CDH13: variants seen among roughly 807,000 people sequenced by gnomAD.
CDH13 encodes the protein cadherin 13.
CDH13 carries 24 observed loss-of-function variants against 63.8 expected under a neutral mutation model. The observed-to-expected ratio is 0.38, with a 90% confidence interval of 0.27 to 0.53. The LOEUF (loss-of-function observed/expected upper bound fraction) is 0.53. Among genes scored for constraint, CDH13 ranks in the 20% least tolerant of loss-of-function variants. CDH13 has a pLI of 0.85. For synonymous variants in CDH13, 503 were observed against 355.3 expected (o/e 1.42, Z -4.67); for missense variants, 1,049 against 903.1 (o/e 1.16, Z -2.07).
chr16:82,655,055 C>A (rs1265870426), intron 1 of CDH13, among the ~76,000 whole-genome samples: 1 of 152,156 alleles, frequency 6.6e-6, no homozygotes, highest in Non-Finnish European at 1.5e-5. Flanking sequence ...GGATGGAGTC[C>A]AAAAGAAACT....
chr16:83,143,045 C>G (rs7203441), intron 4 of CDH13, among the ~76,000 whole-genome samples: 55,036 of 151,800 alleles, frequency 0.36, 12,767 homozygotes, highest in African/African-American at 0.67. Context: ...CGGAGGTTGC[C>G]ATAAGCCAAG....
intron 5 of CDH13, among the ~76,000 whole-genome samples, chr16:83,277,558 T>C (rs951779997): frequency 3.3e-5 from 5 of 152,128 alleles, no homozygotes; most frequent in Non-Finnish European, 2.9e-5. Flanking sequence ...GTCAAGACTA[T>C]TTTCATAAAA....
chr16:83,268,373 A>C (rs201265655), intron 5 of CDH13, among the ~76,000 whole-genome samples: 1 of 152,316 alleles, frequency 6.6e-6, no homozygotes, highest in East Asian at 1.9e-4. Context: ...CTTTTCGCAC[A>C]AATGCTGCTG....
At chr16:83,298,604 C>T (rs911396440) in intron 5 of CDH13, among the ~76,000 whole-genome samples, 4 of 152,172 alleles carry the variant, frequency 2.6e-5, no homozygotes, top group African/African-American at 9.7e-5. Context: ...GAAGTAAGGA[C>T]CTGTTATTAG....
intron 6 of CDH13, among the ~76,000 whole-genome samples, chr16:83,349,132 A>C (rs2090899639): frequency 6.6e-6 from 1 of 152,224 alleles, no homozygotes; most frequent in African/African-American, 2.4e-5. Context: ...TGGATGAAGG[A>C]AGATCAGCAG....
At chr16:83,695,016 G>A (rs910489778) in intron 10 of CDH13, among the ~76,000 whole-genome samples, 13 of 152,080 alleles carry the variant, frequency 8.5e-5, no homozygotes, top group Admixed American at 4.6e-4. Context: ...AGACCAGCCC[G>A]GCCAACATGA....
intron 1 of CDH13, among the ~76,000 whole-genome samples, chr16:82,768,331 C>A (rs990560307): frequency 6.6e-6 from 1 of 152,108 alleles, no homozygotes; most frequent in Non-Finnish European, 1.5e-5. Context: ...GTCATTTTAG[C>A]AATTAGTTTC....
chr16:83,427,293 G>A (rs1043735480), intron 6 of CDH13, among the ~76,000 whole-genome samples: 4 of 151,356 alleles, frequency 2.6e-5, no homozygotes, highest in Non-Finnish European at 5.9e-5. Flanking sequence ...CAGTGTTATT[G>A]ACTATCTGGA....
chr16:82,706,452 G>A (rs141646366), intron 1 of CDH13, among the ~76,000 whole-genome samples: 86 of 152,248 alleles, frequency 5.6e-4, no homozygotes, highest in African/African-American at 1.9e-3. Context: ...GTAGAAGGCC[G>A]TGGAGCTGCT....
intron 7 of CDH13, among the ~76,000 whole-genome samples, chr16:83,574,839 A>T (rs760995744): frequency 6.6e-6 from 1 of 152,170 alleles, no homozygotes; most frequent in Non-Finnish European, 1.5e-5. Context: ...AATATCCATG[A>T]ACTCCAGTTT....
At chr16:82,804,035 C>G (rs535210632) in intron 1 of CDH13, among the ~76,000 whole-genome samples, 1 of 152,272 alleles carries the variant, frequency 6.6e-6, no homozygotes, top group African/African-American at 2.4e-5. Flanking sequence ...CGAGACCAGC[C>G]TGACCAACAT....
intron 5 of CDH13, among the ~76,000 whole-genome samples, chr16:83,302,426 A>G (rs905648971): frequency 1.3e-5 from 2 of 152,212 alleles, no homozygotes; most frequent in Admixed American, 1.3e-4. Context: ...TCTGACTTGT[A>G]ACATTACCAG....
chr16:82,913,554 G>C (rs1045872037), intron 2 of CDH13, among the ~76,000 whole-genome samples: 1 of 152,146 alleles, frequency 6.6e-6, no homozygotes, highest in Admixed American at 6.5e-5. Context: ...GGGTCGATGG[G>C]TCAAACATGA....
At chr16:83,001,008 C>T (rs1020904820) in intron 2 of CDH13, among the ~76,000 whole-genome samples, 1 of 152,188 alleles carries the variant, frequency 6.6e-6, no homozygotes, top group Non-Finnish European at 1.5e-5. Flanking sequence ...ATTTTACTAC[C>T]ATTCAGATGT....
intron 4 of CDH13, among the ~76,000 whole-genome samples, chr16:83,211,766 C>A (rs542045305): frequency 1.6e-3 from 239 of 151,392 alleles, no homozygotes; most frequent in African/African-American, 3.6e-3. Flanking sequence ...CTCCCCCCCC[C>A]AAACAGCCAG....
rs547634039 is a variant in CDH13, at chr16:83,285,114, A to G, written c.637-59748A>G. Among the ~76,000 whole-genome samples, 6 of 152,204 alleles carry G rather than the reference A, an allele frequency of 3.9e-5. No individual in the cohort carries two copies. The South Asian group carries it at 1.0e-3, about 26-fold the overall frequency. ...ACGGCTTTTTAACCTTCAGAAGTAC[A>G]TTTTGTCTGGAGGACCAGAGTATCG... On this transcript the variant is annotated intron_variant, in intron 5 of 13. Transcript: ENST00000567109.
chr16:82,809,641 C>T (rs375808788), intron 1 of CDH13, among the ~76,000 whole-genome samples: 2 of 152,018 alleles, frequency 1.3e-5, no homozygotes, highest in East Asian at 1.9e-4. Context: ...CCTTAGCATC[C>T]CATATCTCAA....
At chr16:82,945,091 A>T (rs1245475507) in intron 2 of CDH13, among the ~76,000 whole-genome samples, 1 of 152,182 alleles carries the variant, frequency 6.6e-6, no homozygotes, top group Non-Finnish European at 1.5e-5. Flanking sequence ...GTTATCCATG[A>T]GGAGAAAACA....
intron 6 of CDH13, among the ~76,000 whole-genome samples, chr16:83,401,005 C>G (rs894621262): frequency 3.3e-5 from 5 of 152,116 alleles, no homozygotes; most frequent in African/African-American, 1.2e-4. Flanking sequence ...GGAGTTCGAG[C>G]CAGCCTGGCC....
Sources: gnomAD v4.1 joint callset for allele counts (sites outside exome capture counted in the v4.1 genomes callset) on GRCh38, gnomAD v4.1.1 for gene constraint, MANE v1.5 for transcripts, NCBI Gene and HGNC (gene_info 2026-07-23, HGNC 2026-07-21) for gene names.